Variants in ADAMTS3 observed in about 807,000 individuals in gnomAD.
ADAMTS3 encodes the protein ADAM metallopeptidase with thrombospondin type 1 motif 3, also known as A disintegrin and metalloproteinase with thrombospondin motifs 3.
Under a neutral mutation model 129.0 loss-of-function variants are expected in ADAMTS3, and 73 were observed. That is an observed-to-expected ratio of 0.57 (90% CI 0.47 to 0.69). The LOEUF is 0.69. ADAMTS3 is among the 30% of genes least tolerant of loss of function. The pLI is 0.00. For missense variants in ADAMTS3, 1,457 were observed against 1,514.5 expected (o/e 0.96, Z 0.63); for synonymous variants, 477 against 510.8 (o/e 0.93, Z 0.89).
chr4:72,318,513 CA>C (rs2109805837), intron 10 of ADAMTS3, 58 bp downstream of exon 10: 1 of 1,574,158 alleles, frequency 6.4e-7, no homozygotes, highest in Non-Finnish European at 8.7e-7. Flanking sequence ...TCTCACCAAG[CA>C]GGAGCTACAC....
At chr4:72,451,888 C>T (rs753437332) in intron 3 of ADAMTS3, among the ~76,000 whole-genome samples, 6 of 151,568 alleles carry the variant, frequency 4.0e-5, no homozygotes, top group African/African-American at 7.3e-5. Context: ...CTTGAGCCCA[C>T]GAGTTTAAGA....
chr4:72,474,352 G>A (rs186747984), intron 3 of ADAMTS3, among the ~76,000 whole-genome samples: 45 of 151,950 alleles, frequency 3.0e-4, no homozygotes, highest in African/African-American at 9.9e-4. Context: ...AAAAAACAAA[G>A]AAATAGAAAA....
intron 3 of ADAMTS3, among the ~76,000 whole-genome samples, chr4:72,471,891 A>C (rs6838682): frequency 0.97 from 148,056 of 152,088 alleles, 72,210 homozygotes; most frequent in East Asian, 1. Context: ...AATAATTTTT[A>C]AGACTATAAG....
chr4:72,538,049 A>G (rs535401729), intron 3 of ADAMTS3, among the ~76,000 whole-genome samples: 5 of 152,294 alleles, frequency 3.3e-5, no homozygotes, highest in African/African-American at 1.2e-4. Context: ...AGGCAGAAAA[A>G]TTAGTAAACT....
chr4:72,547,443 T>A (rs1273774620), intron 3 of ADAMTS3, among the ~76,000 whole-genome samples: 1 of 152,224 alleles, frequency 6.6e-6, no homozygotes, highest in Non-Finnish European at 1.5e-5. Flanking sequence ...CATAGCTACA[T>A]ACGTCACTCA....
Position 72,367,214 on chromosome 4 carries a change from G to T in ADAMTS3, c.662-27521C>A, listed in dbSNP as rs544450127. On this transcript the variant is annotated intron_variant, in intron 4 of 21. Coordinates refer to ENST00000286657, the MANE Select transcript of ADAMTS3 (RefSeq NM_014243.3). ...CTCTAAATTTGATAAATTCTTTTTA[G>T]GCCACCAAAGCATTTTTTTCTATTA... Among the ~76,000 whole-genome samples the T allele has an allele frequency of 3.3e-5, 5 of 151,936 alleles. No homozygotes were observed. The South Asian group carries it at 8.3e-4, about 25-fold the overall frequency.
At chr4:72,353,162 T>C (rs924372947) in intron 4 of ADAMTS3, among the ~76,000 whole-genome samples, 1 of 152,120 alleles carries the variant, frequency 6.6e-6, no homozygotes, top group African/African-American at 2.4e-5. Flanking sequence ...TTGTATTCAA[T>C]GATAACAAAG....
intron 3 of ADAMTS3, among the ~76,000 whole-genome samples, chr4:72,500,114 T>C (rs1375762800): frequency 6.6e-6 from 1 of 152,116 alleles, no homozygotes; most frequent in Non-Finnish European, 1.5e-5. Flanking sequence ...CTTGGTAGAA[T>C]GATTTATTTT....
chr4:72,455,988 C>CAG (rs1553916118), intron 3 of ADAMTS3, among the ~76,000 whole-genome samples: 9 of 13,526 alleles, frequency 6.7e-4, no homozygotes, highest in Non-Finnish European at 1.8e-3. Flanking sequence ...AGTATATATA[C>CAG]TATATATATT....
intron 3 of ADAMTS3, among the ~76,000 whole-genome samples, chr4:72,502,594 G>C (rs1578739759): frequency 6.6e-6 from 1 of 151,888 alleles, no homozygotes; most frequent in East Asian, 1.9e-4. Flanking sequence ...TGGATATTTG[G>C]GTCTCAATTT....
intron 3 of ADAMTS3, among the ~76,000 whole-genome samples, chr4:72,463,972 G>T (rs903830352): frequency 6.6e-6 from 1 of 151,838 alleles, no homozygotes; most frequent in Non-Finnish European, 1.5e-5. Flanking sequence ...CTAAAGGGGC[G>T]CCCATCTCTG....
At chr4:72,392,571 C>T (rs991503040) in intron 4 of ADAMTS3, among the ~76,000 whole-genome samples, 2 of 152,118 alleles carry the variant, frequency 1.3e-5, no homozygotes. Context: ...AAGATGCTAG[C>T]TAGGTTTAAG....
chr4:72,411,794 T>G (rs897505860), intron 4 of ADAMTS3, among the ~76,000 whole-genome samples: 1 of 152,130 alleles, frequency 6.6e-6, no homozygotes, highest in Admixed American at 6.6e-5. Context: ...GAGAATTCTC[T>G]AGTCTTCTAG....
intron 3 of ADAMTS3, among the ~76,000 whole-genome samples, chr4:72,497,750 G>GAAA (rs10695197): frequency 1.3e-4 from 20 of 151,478 alleles, no homozygotes; most frequent in African/African-American, 2.9e-4. Context: ...ATTATCATCA[G>GAAA]AAAAAAAGTC....
chr4:72,425,482 C>G (rs904668766), intron 3 of ADAMTS3, among the ~76,000 whole-genome samples: 5 of 152,096 alleles, frequency 3.3e-5, no homozygotes, highest in Non-Finnish European at 7.3e-5. Context: ...TATCCCTCCC[C>G]CTTCCCCTTA....
intron 4 of ADAMTS3, among the ~76,000 whole-genome samples, chr4:72,392,538 C>A (rs1232909858): frequency 6.6e-6 from 1 of 152,134 alleles, no homozygotes; most frequent in African/African-American, 2.4e-5. Flanking sequence ...TTGTCTCTAC[C>A]TGACCCTAAA....
chr4:72,376,549 T>G (rs375672976), intron 4 of ADAMTS3, among the ~76,000 whole-genome samples: 46 of 152,194 alleles, frequency 3.0e-4, no homozygotes, highest in African/African-American at 1.1e-3. Flanking sequence ...TAGAATGCAT[T>G]TGAAGCACCT....
At chr4:72,501,058 C>A (rs973264469) in intron 3 of ADAMTS3, among the ~76,000 whole-genome samples, 1 of 151,976 alleles carries the variant, frequency 6.6e-6, no homozygotes, top group African/African-American at 2.4e-5. Context: ...AGGCCTCTGG[C>A]TTTGTTCTTT....
At chr4:72,548,963 C>T in intron 2 of ADAMTS3, 79 bp from the exon 3 acceptor site, 15 of 1,358,706 alleles carry the variant, frequency 1.1e-5, no homozygotes, top group Non-Finnish European at 1.5e-5. Context: ...AAAAGCTGCC[C>T]ACCTCACAAG....
Sources: allele counts gnomAD v4.1 joint callset (sites outside exome capture counted in the v4.1 genomes callset), GRCh38; gene constraint gnomAD v4.1.1; transcripts MANE v1.5; gene names NCBI Gene and HGNC (gene_info 2026-07-23, HGNC 2026-07-21).